Variants in RBFOX1 observed in about 807,000 individuals in gnomAD.
The protein encoded by RBFOX1 is RNA binding protein fox-1 homolog 1.
RBFOX1 carries 8 observed loss-of-function variants against 57.7 expected under a neutral mutation model. The ratio of observed to expected loss-of-function variants is 0.14; its 90% confidence interval spans 0.08 to 0.25. RBFOX1 has a LOEUF of 0.25. Ranked by LOEUF, RBFOX1 falls within the 10% of genes least tolerant of loss-of-function variation. The pLI, the probability that RBFOX1 is intolerant of heterozygous loss-of-function variation, is 1.00. For missense variants in RBFOX1, 611 were observed against 548.5 expected (o/e 1.11, Z -1.14); for synonymous variants, 326 against 222.4 (o/e 1.47, Z -4.15).
intron 4 of RBFOX1, among the ~76,000 whole-genome samples, chr16:7,072,486 T>G (rs578245995): frequency 6.6e-6 from 1 of 152,326 alleles, no homozygotes; most frequent in South Asian, 2.1e-4. Context: ...CTACTGCCTA[T>G]AACATAGTAG....
chr16:6,444,791 C>T (rs2094452277), intron 2 of RBFOX1, among the ~76,000 whole-genome samples: 1 of 152,174 alleles, frequency 6.6e-6, no homozygotes, highest in East Asian at 1.9e-4. Context: ...GGAACCAAAA[C>T]TGCTTTTGTT....
chr16:7,398,315 G>C (rs1397597249), intron 4 of RBFOX1, among the ~76,000 whole-genome samples: 1 of 152,176 alleles, frequency 6.6e-6, no homozygotes, highest in Non-Finnish European at 1.5e-5. Flanking sequence ...AAGTTTGCTG[G>C]ACCTCACTTT....
chr16:5,440,375 C>T (rs951428900), intron 1 of RBFOX1, among the ~76,000 whole-genome samples: 2 of 152,170 alleles, frequency 1.3e-5, no homozygotes, highest in Admixed American at 1.3e-4. Context: ...CCAAGTATCA[C>T]AAGTTTAGAG....
At chr16:6,942,795 C>T (rs988123066) in intron 3 of RBFOX1, among the ~76,000 whole-genome samples, 3 of 152,168 alleles carry the variant, frequency 2.0e-5, no homozygotes, top group Non-Finnish European at 4.4e-5. Flanking sequence ...TATATATTGT[C>T]TCCAAGTCAT....
intron 3 of RBFOX1, among the ~76,000 whole-genome samples, chr16:6,761,988 G>A (rs1006310389): frequency 3.9e-5 from 6 of 151,936 alleles, no homozygotes; most frequent in Admixed American, 1.3e-4. Context: ...GCCTTCTCAC[G>A]TGCCGCTCAA....
At chr16:7,504,402 A>G (rs1236729576) in intron 4 of RBFOX1, among the ~76,000 whole-genome samples, 2 of 151,936 alleles carry the variant, frequency 1.3e-5, no homozygotes, top group Non-Finnish European at 2.9e-5. Context: ...GGTGGCAGGA[A>G]CATGGTCTTG....
chr16:5,521,599 C>G (rs942374236), intron 2 of RBFOX1, among the ~76,000 whole-genome samples: 1 of 152,102 alleles, frequency 6.6e-6, no homozygotes, highest in African/African-American at 2.4e-5. Flanking sequence ...TCACAGGGGA[C>G]AGGTGGACAC....
intron 4 of RBFOX1, among the ~76,000 whole-genome samples, chr16:7,492,234 G>C (rs2067181537): frequency 6.6e-6 from 1 of 152,208 alleles, no homozygotes; most frequent in Middle Eastern, 3.2e-3. Flanking sequence ...CAATAAGAAT[G>C]TTGTAAAAAT....
chr16:5,794,710 G>A (rs1382218419), intron 3 of RBFOX1, among the ~76,000 whole-genome samples: 1 of 152,180 alleles, frequency 6.6e-6, no homozygotes, highest in Non-Finnish European at 1.5e-5. Flanking sequence ...GATGGCTTAA[G>A]AAACTTACAA....
chr16:7,066,838 C>G, intron 4 of RBFOX1, among the ~76,000 whole-genome samples: 1 of 152,088 alleles, frequency 6.6e-6, no homozygotes, highest in African/African-American at 2.4e-5. Context: ...CTCTGTCTTC[C>G]CAGCCAGTGA....
intron 2 of RBFOX1, among the ~76,000 whole-genome samples, chr16:6,500,896 T>TTTTTTTGTTTGTTTGTTTG (rs2095896619): frequency 2.1e-5 from 3 of 142,332 alleles, no homozygotes; most frequent in African/African-American, 5.2e-5. Flanking sequence ...TTTTTTTTTT[T>TTTTTTTGTTTGTTTGTTTG]TTTTTAATGC....
intron 3 of RBFOX1, among the ~76,000 whole-genome samples, chr16:6,869,926 C>A (rs1004865134): frequency 6.6e-6 from 1 of 152,142 alleles, no homozygotes; most frequent in African/African-American, 2.4e-5. Flanking sequence ...TTACTTATAT[C>A]ATCTCAGCGT....
intron 4 of RBFOX1, among the ~76,000 whole-genome samples, chr16:5,870,112 T>C (rs143221293): frequency 4.0e-5 from 6 of 150,078 alleles, no homozygotes; most frequent in Non-Finnish European, 7.4e-5. Context: ...TATGTACATA[T>C]ACACACCTAC....
chr16:6,425,397 T>C (rs2152995367), intron 2 of RBFOX1, among the ~76,000 whole-genome samples: 1 of 152,286 alleles, frequency 6.6e-6, no homozygotes, highest in Admixed American at 6.5e-5. Flanking sequence ...ATTCCAATTA[T>C]ATTAAAAATG....
chr16:6,830,342 T>C (rs1482320879), intron 3 of RBFOX1, among the ~76,000 whole-genome samples: 1 of 152,230 alleles, frequency 6.6e-6, no homozygotes, highest in Admixed American at 6.5e-5. Context: ...CCTAACATTG[T>C]TTCATAAGAA....
intron 14 of RBFOX1, among the ~76,000 whole-genome samples, chr16:7,703,406 G>A (rs964657617): frequency 6.6e-6 from 1 of 152,260 alleles, no homozygotes; most frequent in Non-Finnish European, 1.5e-5. Flanking sequence ...TGAGAGCTGA[G>A]CAGATTTCAC....
chr16:7,006,727 C>G (rs745334683), intron 3 of RBFOX1, among the ~76,000 whole-genome samples: 21 of 152,282 alleles, frequency 1.4e-4, no homozygotes, highest in Non-Finnish European at 2.8e-4. Context: ...GGATTACGGA[C>G]ATGAGCCACC....
chr16:5,862,889 A>G lies in RBFOX1; in HGVS notation c.319-4414A>G, dbSNP rs371237001. ...TCAGAGCCCCAGACAGTGTTTGGGC[A>G]TCTCAGAAGGGGTTCAGGGAGAACA... is the stretch of plus-strand genomic sequence containing the variant. On this transcript the variant is annotated intron_variant, in intron 3 of 19. Coordinates refer to the RBFOX1 transcript ENST00000641259. 2.5e-3 allele frequency among the ~76,000 whole-genome samples: 386 copies of G among 152,288 alleles called. 2 individuals are homozygous for G. The highest frequency in any genetic ancestry group is 8.8e-3 in the African/African-American group (364 of 41,558).
rs550710353 is a variant in RBFOX1 at position 7,272,542 on chromosome 16, A to T, written c.27+220444A>T. On this transcript the variant is annotated intron_variant, in intron 4 of 15. Transcript: ENST00000550418. ...CTTATTCTGCATCATTCATTCATTC[A>T]TCAAATATTTATAGGCAACTATCAC... Among the ~76,000 whole-genome samples, 18 of 152,310 alleles carry T rather than the reference A, an allele frequency of 1.2e-4. No individual in the cohort carries two copies. In the East Asian group the frequency reaches 3.3e-3, roughly 28 times the overall value.
Sources: allele counts gnomAD v4.1 joint callset (sites outside exome capture counted in the v4.1 genomes callset), GRCh38; gene constraint gnomAD v4.1.1; transcripts MANE v1.5; gene names NCBI Gene and HGNC (gene_info 2026-07-23, HGNC 2026-07-21).